TAF15: variants seen among roughly 807,000 people sequenced by gnomAD.
The protein encoded by TAF15 is TATA-binding protein-associated factor 2N.
In TAF15, 37 loss-of-function variants were observed where a neutral mutation model predicts 102.5. That is an observed-to-expected ratio of 0.36 (90% CI 0.28 to 0.47). The LOEUF is 0.47. Ranked by LOEUF, TAF15 falls within the 20% of genes least tolerant of loss-of-function variation. The pLI, the probability that TAF15 is intolerant of heterozygous loss-of-function variation, is 0.99. For missense variants in TAF15, 652 were observed against 760.7 expected, an observed-to-expected ratio of 0.86 and a Z score of 1.68; for synonymous variants, 273 against 259.2, an observed-to-expected ratio of 1.05 and a Z score of -0.51.
chr17:35,823,517 G>T (rs1239934134), intron 6 of TAF15: 1 of 166,686 alleles, frequency 6.0e-6, no homozygotes, highest in Admixed American at 5.8e-5. Flanking sequence ...GGCTAACATG[G>T]TGAAACCCTG....
At chr17:35,819,242 G>T (rs764578642) in intron 2 of TAF15, among the ~76,000 whole-genome samples, 8 of 152,182 alleles carry the variant, frequency 5.3e-5, no homozygotes, top group Non-Finnish European at 1.2e-4. Flanking sequence ...AAGGAATCTT[G>T]TTAGCACTTG....
At chr17:35,816,672 C>G (rs1351391650) in intron 1 of TAF15, 1 of 152,104 alleles carries the variant, frequency 6.6e-6, no homozygotes, top group Non-Finnish European at 1.5e-5. Flanking sequence ...CTTGGTCATT[C>G]ATTTGACTCT....
rs2087297322 is a variant in TAF15 at position 35,824,126 on chromosome 17, G to A, written c.533G>A (p.Gly178Asp). Residue 178 changes from glycine (G) to aspartate (D), a missense_variant, in exon 7 of 16, where the codon GGC becomes GAC. This residue lies in a region of TAF15 where 243 missense variants were observed against 284.1 expected (regional missense o/e 0.86). Coordinates refer to ENST00000605844, the MANE Select transcript of TAF15 (RefSeq NM_139215.3). The part of the protein sequence containing the change: ...SRYGEDNRGY[G>D]GSQGGGRGRG... ...TATGGAGAAGATAATAGAGGATATG[G>A]CGGGTCACAGGGAGGAGGTAGAGGG... 1.2e-6 allele frequency: 2 copies of A among 1,613,974 alleles called. No homozygotes were observed. The highest frequency in any genetic ancestry group is 1.7e-6 in the Non-Finnish European group (2 of 1,180,030).
In TAF15 at chr17:35,844,080, G is replaced by A. The variant is rs986517085; in HGVS notation, c.1010G>A (p.Arg337His). Reference sequence around the variant, plus strand: ...TCCCCTGGCCCCATCCCCCTAGGCCGTGGAGGATATAGAGGTCGTGGAGGC... The same window carrying A: ...TCCCCTGGCCCCATCCCCCTAGGCCATGGAGGATATAGAGGTCGTGGAGGC... ...GGGSGGGRRG[R>H]GGYRGRGGFQ... The change falls in exon 13 of 16, where the codon CGT becomes CAT. Residue 337 changes from arginine (R) to histidine (H), a missense_variant. Arg to His is a conservative substitution (Grantham distance 29). This residue lies in a region of TAF15 where 368 missense variants were observed against 367.5 expected (regional missense o/e 1.00). Transcript: ENST00000605844. The A allele has an allele frequency of 1.4e-5, 22 of 1,613,938 alleles. No homozygotes were observed. Among genetic ancestry groups the A allele is most frequent in the South Asian group, 3.3e-5 (3 of 91,086 alleles).
chr17:35,822,469 C>G (rs2087273082), intron 5 of TAF15, among the ~76,000 whole-genome samples, 171 bp from the exon 6 acceptor site: 1 of 152,036 alleles, frequency 6.6e-6, no homozygotes, highest in South Asian at 2.1e-4. Flanking sequence ...GCAGAATCGT[C>G]TTTCGCAGGG....
rs1319264188 is a variant in TAF15 at position 35,817,359 on chromosome 17, T to G, written c.8-357T>G. 4 of 270,548 alleles carry G rather than the reference T, an allele frequency of 1.5e-5. No homozygotes were observed. In the East Asian group the frequency reaches 3.7e-4, roughly 25 times the overall value. 16.8% of individuals were successfully genotyped at this position (270,548 alleles called of 1,614,324 possible). ...AGATGTAATCCTGGGGATGTCATAG[T>G]GCATGTCTTTCCCCTTTTTGGACCT... On this transcript the variant is annotated intron_variant, in intron 1 of 15. Transcript: ENST00000605844.
intron 9 of TAF15, 56 bp downstream of exon 9, chr17:35,834,654 TG>T: frequency 1.9e-6 from 3 of 1,562,738 alleles, no homozygotes; most frequent in East Asian, 2.3e-5. Context: ...GTTTTTTTTT[TG>T]ATGGGAAAAG....
In TAF15 at chr17:35,822,705, A is replaced by G. The variant is rs756643512; in HGVS notation, c.356A>G (p.Gln119Arg). ...GGTCAACAAGATTCATATGACCAGCAGTCAGGCTATGATCAACATCAAGGC... is the reference window on the plus strand; with the variant it reads ...GGTCAACAAGATTCATATGACCAGCGGTCAGGCTATGATCAACATCAAGGC... ...DYGQQDSYDQ[Q>R]SGYDQHQGSY... The change falls in exon 6 of 16, where the codon CAG becomes CGG. Residue 119 changes from glutamine (Q) to arginine (R), a missense_variant. Physicochemically the swap from Gln to Arg is conservative, Grantham distance 43 (BLOSUM62 1). This residue lies in a region of TAF15 where 243 missense variants were observed against 284.1 expected (regional missense o/e 0.86). Coordinates refer to ENST00000605844, the MANE Select transcript of TAF15 (RefSeq NM_139215.3). 6.2e-7 allele frequency: 1 copy of G among 1,614,216 alleles called. No individual in the cohort carries two copies. The highest frequency in any genetic ancestry group is 8.5e-7 in the Non-Finnish European group (1 of 1,180,038).
At chr17:35,809,864 G>T (rs117281993) in intron 1 of TAF15, 1 of 582,618 alleles carries the variant, frequency 1.7e-6, no homozygotes, top group African/African-American at 1.9e-5. Flanking sequence ...TGTGAGTCGG[G>T]GGGCGGAGGC....
rs1350177185 is a variant in TAF15 at position 35,846,986 on chromosome 17, A to G, written c.*41A>G. On this transcript the variant is annotated 3_prime_UTR_variant, in exon 16 of 16. Coordinates refer to ENST00000605844, the MANE Select transcript of TAF15 (RefSeq NM_139215.3). The stretch of plus-strand genomic sequence containing the variant: ...TTCCTTTGTCTCTGACATGATCCAT[A>G]GTGAAATTGCCAGAGTTTTGCCTGC... The G allele has an allele frequency of 1.3e-6, 2 of 1,562,592 alleles. No individual in the cohort carries two copies. The highest frequency in any genetic ancestry group is 2.4e-5 in the East Asian group (1 of 41,108).
intron 10 of TAF15, among the ~76,000 whole-genome samples, chr17:35,837,291 A>C (rs983960215): frequency 6.6e-6 from 1 of 150,748 alleles, no homozygotes; most frequent in Non-Finnish European, 1.5e-5. Flanking sequence ...AGTTGGAACC[A>C]CTAATGCATG....
At chr17:35,820,647 T>C (rs1048125994) in intron 5 of TAF15, among the ~76,000 whole-genome samples, 5 of 152,174 alleles carry the variant, frequency 3.3e-5, no homozygotes, top group African/African-American at 9.6e-5. Flanking sequence ...AATCATTGTT[T>C]AGCTATAAAT....
chr17:35,824,132 C>A lies in TAF15; in HGVS notation c.539C>A (p.Ser180Ter). The A allele has an allele frequency of 6.2e-7, 1 of 1,613,486 alleles. No individual in the cohort carries two copies. Among genetic ancestry groups the A allele is most frequent in the Non-Finnish European group, 8.5e-7 (1 of 1,179,924 alleles). The change falls in exon 7 of 16, where the codon TCA (serine) becomes TAA (stop). Residue 180 changes from serine (S) to a stop codon, truncating the protein, a stop_gained. Transcript: ENST00000605844. LOFTEE classifies it high-confidence loss of function. ...GAAGATAATAGAGGATATGGCGGGT[C>A]ACAGGGAGGAGGTAGAGGGCGTGGG... ...YGEDNRGYGG[S>*]QGGGRGRGGY... is the part of the protein sequence containing the mutation.
chr17:35,842,441 A>C lies in TAF15; in HGVS notation c.988A>C (p.Ser330Arg). Residue 330 changes from serine to arginine, a missense_variant, in exon 12 of 16, where the codon AGT becomes CGT. Ser to Arg is a moderately radical substitution (Grantham distance 110). This residue lies in a region of TAF15 where 368 missense variants were observed against 367.5 expected (regional missense o/e 1.00). Transcript: ENST00000605844. The stretch of plus-strand genomic sequence containing the variant: ...ACCTGAATTCATGAGAGGAGGTGGA[A>C]GTGGAGGTGGGCGGCGAGGTAAGAT... Reference protein sequence around the residue: ...RRPEFMRGGGSGGGRRGRGGY... With the variant: ...RRPEFMRGGGRGGGRRGRGGY... 6.2e-7 allele frequency: 1 copy of C among 1,613,998 alleles called. No homozygotes were observed. The highest frequency in any genetic ancestry group is 8.5e-7 in the Non-Finnish European group (1 of 1,179,890).
chr17:35,831,650 G>A (rs1386795331), intron 7 of TAF15, among the ~76,000 whole-genome samples: 1 of 152,076 alleles, frequency 6.6e-6, no homozygotes, highest in African/African-American at 2.4e-5. Context: ...CAAAGTAAGA[G>A]GCATTTCTTC....
At chr17:35,843,761 A>G (rs2087575618) in intron 12 of TAF15, among the ~76,000 whole-genome samples, 1 of 152,226 alleles carries the variant, frequency 6.6e-6, no homozygotes, top group Non-Finnish European at 1.5e-5. Flanking sequence ...AAAATCTGAA[A>G]AATCCAAAAT....
chr17:35,823,434 T>TCACGCCTGTAATCC (rs1443609505), intron 6 of TAF15, among the ~76,000 whole-genome samples: 2 of 152,084 alleles, frequency 1.3e-5, no homozygotes, highest in Non-Finnish European at 2.9e-5. Context: ...GCGCAGTGGC[T>TCACGCCTGTAATCC]CACGCCTGTA....
intron 11 of TAF15, among the ~76,000 whole-genome samples, chr17:35,840,768 G>C (rs926019357): frequency 2.6e-5 from 4 of 152,070 alleles, no homozygotes; most frequent in Admixed American, 6.5e-5. Context: ...GGAGGCTGAG[G>C]CAGGAGACTT....
At chr17:35,812,905 A>C (rs1176440166) in intron 1 of TAF15, among the ~76,000 whole-genome samples, 1 of 152,008 alleles carries the variant, frequency 6.6e-6, no homozygotes, top group Non-Finnish European at 1.5e-5. Flanking sequence ...AAGCAGGTGG[A>C]TCACCTGAGG....
Sources: allele counts gnomAD v4.1 joint callset (sites outside exome capture counted in the v4.1 genomes callset), GRCh38; gene constraint gnomAD v4.1.1; regional missense constraint gnomAD v4.1.1; transcripts MANE v1.5; gene names NCBI Gene and HGNC (gene_info 2026-07-23, HGNC 2026-07-21).